Variants in SETBP1 observed in about 807,000 individuals in gnomAD.
SETBP1 encodes the protein SET binding protein 1.
In SETBP1, 9 loss-of-function variants were observed where a neutral mutation model predicts 101.0. The observed-to-expected ratio is 0.09, with a 90% confidence interval of 0.05 to 0.16. The LOEUF (loss-of-function observed/expected upper bound fraction) is 0.16. SETBP1 is among the 10% of genes least tolerant of loss of function. SETBP1 has a pLI of 1.00. For missense variants in SETBP1, 1,858 were observed against 2,033.8 expected (o/e 0.91, Z 1.66); for synonymous variants, 818 against 788.5 (o/e 1.04, Z -0.63).
intron 3 of SETBP1, chr18:44,869,618 C>T (rs1342432288): frequency 2.8e-6 from 1 of 361,138 alleles, no homozygotes; most frequent in Non-Finnish European, 5.4e-6. Flanking sequence ...GTTTGGGGTT[C>T]TCCCCTGCAT....
At chr18:44,977,067 T>C (rs2072005018) in intron 4 of SETBP1, among the ~76,000 whole-genome samples, 1 of 152,228 alleles carries the variant, frequency 6.6e-6, no homozygotes, top group South Asian at 2.1e-4. Context: ...ATGGCAACTC[T>C]TACTACCTCT....
chr18:44,849,334 G>T (rs930712408), intron 2 of SETBP1, among the ~76,000 whole-genome samples: 2 of 152,120 alleles, frequency 1.3e-5, no homozygotes, highest in Non-Finnish European at 2.9e-5. Flanking sequence ...ACTGAACTGG[G>T]AGTTAGAGAC....
intron 2 of SETBP1, among the ~76,000 whole-genome samples, chr18:44,849,452 T>G (rs1240980868): frequency 6.6e-6 from 1 of 152,154 alleles, no homozygotes; most frequent in African/African-American, 2.4e-5. Flanking sequence ...GGACTCGATG[T>G]GAATATGCCC....
At position 44,806,047 on chromosome 18, in the gene SETBP1, C is replaced by T. The variant is rs542726401; in HGVS notation, c.487-63183C>T. ...GCCCCAGACCTTCTTTTCCTCTTTG[C>T]CTCTGTCACACACTTCTTGATATTT... On this transcript the variant is annotated intron_variant, in intron 2 of 5. Transcript: ENST00000649279. 3.9e-5 allele frequency among the ~76,000 whole-genome samples: 6 copies of T among 152,206 alleles called. 1 individual carries two copies. Among genetic ancestry groups the T allele is most frequent in the African/African-American group, 1.4e-4 (6 of 41,534 alleles).
intron 3 of SETBP1, among the ~76,000 whole-genome samples, chr18:44,941,549 A>G (rs754196996): frequency 6.6e-6 from 1 of 152,040 alleles, no homozygotes; most frequent in Non-Finnish European, 1.5e-5. Context: ...GAATATGTAT[A>G]CACTAATCTT....
chr18:44,957,994 T>C (rs1019119657), intron 4 of SETBP1, among the ~76,000 whole-genome samples: 1 of 152,188 alleles, frequency 6.6e-6, no homozygotes, highest in African/African-American at 2.4e-5. Flanking sequence ...GGAGTTCAAG[T>C]AGGGTTAGGA....
In SETBP1 at chr18:44,895,108, T is replaced by C. The variant is rs576368994; in HGVS notation, c.540+25825T>C. Among the ~76,000 whole-genome samples, 10 of 142,876 alleles carry C rather than the reference T, an allele frequency of 7.0e-5. No homozygotes were observed. The East Asian group carries it at 1.7e-3, about 24-fold the overall frequency. The allele number at this position is 142,876 out of a possible 152,430, so 93.7% of individuals were successfully genotyped here. On this transcript the variant is annotated intron_variant, in intron 3 of 5. Coordinates refer to ENST00000649279, the MANE Select transcript of SETBP1 (RefSeq NM_015559.3). Reference sequence around the variant, plus strand: ...CAGCCTGGGCAACAGAGGAAAATCCTGTCTCAGAAAAGAAAAAGCAAATGA... The same window carrying C: ...CAGCCTGGGCAACAGAGGAAAATCCCGTCTCAGAAAAGAAAAAGCAAATGA...
intron 2 of SETBP1, among the ~76,000 whole-genome samples, chr18:44,763,988 C>G (rs1170192289): frequency 1.3e-5 from 2 of 152,214 alleles, no homozygotes; most frequent in Non-Finnish European, 2.9e-5. Context: ...TATCTATACC[C>G]TGGACCTAAC....
intron 3 of SETBP1, among the ~76,000 whole-genome samples, chr18:44,874,068 A>ACT (rs1303610852): frequency 6.6e-6 from 1 of 152,094 alleles, no homozygotes; most frequent in African/African-American, 2.4e-5. Context: ...ACTTGTCTAT[A>ACT]CTCTCATCTA....
chr18:44,896,464 C>T (rs2069904953), intron 3 of SETBP1, among the ~76,000 whole-genome samples: 1 of 152,130 alleles, frequency 6.6e-6, no homozygotes, highest in Non-Finnish European at 1.5e-5. Flanking sequence ...TATTTGAAGA[C>T]AGACATCATC....
At chr18:44,766,807 GA>G (rs1223602775) in intron 2 of SETBP1, among the ~76,000 whole-genome samples, 1 of 150,406 alleles carries the variant, frequency 6.6e-6, no homozygotes. Flanking sequence ...CCCTGTCTCT[GA>G]AAAAAAAAGT....
At chr18:44,788,158 G>A (rs1484580144) in intron 2 of SETBP1, among the ~76,000 whole-genome samples, 1 of 151,956 alleles carries the variant, frequency 6.6e-6, no homozygotes, top group Non-Finnish European at 1.5e-5. Flanking sequence ...AGTTTCCGCT[G>A]GCTCCTGGGA....
At chr18:44,987,699 T>C (rs1020051355) in intron 4 of SETBP1, 1 of 152,198 alleles carries the variant, frequency 6.6e-6, no homozygotes, top group Admixed American at 6.5e-5. Context: ...TAAAGCAGTT[T>C]ATTATCTTTA....
intron 4 of SETBP1, among the ~76,000 whole-genome samples, chr18:44,957,944 G>C (rs2071527167): frequency 6.6e-6 from 1 of 152,324 alleles, no homozygotes; most frequent in East Asian, 1.9e-4. Flanking sequence ...GAGTCCTCTT[G>C]TGGGAGGAAA....
At chr18:45,049,802 A>C (rs541466561) in intron 5 of SETBP1, among the ~76,000 whole-genome samples, 1 of 152,292 alleles carries the variant, frequency 6.6e-6, no homozygotes, top group African/African-American at 2.4e-5. Context: ...CCGTTATTTA[A>C]TTATGGAATT....
intron 4 of SETBP1, among the ~76,000 whole-genome samples, chr18:44,996,308 G>T (rs1224338418): frequency 1.3e-5 from 2 of 152,162 alleles, no homozygotes; most frequent in Non-Finnish European, 2.9e-5. Flanking sequence ...TGCTCACCCG[G>T]GGCCAGATTG....
chr18:45,058,544 A>AGGGTT (rs1355250049), intron 5 of SETBP1, among the ~76,000 whole-genome samples: 39 of 152,338 alleles, frequency 2.6e-4, no homozygotes, highest in African/African-American at 8.4e-4. Context: ...CAGATGAAGA[A>AGGGTT]ACAGAGATGG....
chr18:44,688,515 C>A (rs183135706), intron 1 of SETBP1, among the ~76,000 whole-genome samples: 1 of 150,622 alleles, frequency 6.6e-6, no homozygotes, highest in Non-Finnish European at 1.5e-5. Context: ...TGTACTGTCA[C>A]GATCTCTGCT....
intron 1 of SETBP1, among the ~76,000 whole-genome samples, chr18:44,696,965 C>A (rs2069028079): frequency 6.6e-6 from 1 of 152,238 alleles, no homozygotes; most frequent in South Asian, 2.1e-4. Context: ...TTCCAATCCT[C>A]CTCCACTCCC....
Sources: allele counts gnomAD v4.1 joint callset (sites outside exome capture counted in the v4.1 genomes callset), GRCh38; gene constraint gnomAD v4.1.1; transcripts MANE v1.5; gene names NCBI Gene and HGNC (gene_info 2026-07-23, HGNC 2026-07-21).